PSMD4: variants seen among roughly 807,000 people sequenced by gnomAD.
PSMD4 encodes 26S proteasome non-ATPase regulatory subunit 4.
Under a neutral mutation model 39.7 loss-of-function variants are expected in PSMD4, and 5 were observed. The ratio of observed to expected loss-of-function variants is 0.13; its 90% confidence interval spans 0.07 to 0.26. PSMD4 has a LOEUF of 0.26. Ranked by LOEUF, PSMD4 falls within the 10% of genes least tolerant of loss-of-function variation. The pLI, the probability that PSMD4 is intolerant of heterozygous loss-of-function variation, is 1.00. For missense variants in PSMD4, 272 were observed against 486.1 expected, an observed-to-expected ratio of 0.56 and a Z score of 4.14; for synonymous variants, 143 against 174.6, an observed-to-expected ratio of 0.82 and a Z score of 1.43.
intron 1 of PSMD4, among the ~76,000 whole-genome samples, chr1:151,258,670 A>G (rs1198798212): frequency 2.0e-5 from 3 of 151,974 alleles, no homozygotes; most frequent in Admixed American, 6.6e-5. Context: ...CATATTGATT[A>G]GGCTGGTCTC....
chr1:151,265,748 C>T, intron 6 of PSMD4, 139 bp downstream of exon 6: 1 of 975,354 alleles, frequency 1.0e-6, no homozygotes, highest in South Asian at 1.7e-5. Context: ...CTTTTGCCGC[C>T]TCTTCCCTAT....
Position 151,258,479 on chromosome 1 carries a change from GA to G in PSMD4, c.26+3672del, listed in dbSNP as rs1216633583. Among the ~76,000 whole-genome samples the G allele has an allele frequency of 8.6e-3, 707 of 82,238 alleles. 9 individuals are homozygous for G. Among genetic ancestry groups the G allele is most frequent in the African/African-American group, 0.03 (641 of 21,590 alleles). 54.0% of individuals were successfully genotyped at this position (82,238 alleles called of 152,430 possible). A position where few individuals can be genotyped will look rare whatever the true frequency, so the allele number is the denominator to read the frequency against. ...TTTTTTTTTTTTTTTTTTTTTGGGG[GA>G]GACAGGGTCTCATTCTGTCACCCAG... On this transcript the variant is annotated intron_variant, in intron 1 of 9. Transcript: ENST00000368884.
At chr1:151,267,094 C>T (rs10888408) in intron 9 of PSMD4, 79 bp from the exon 10 acceptor site, 1,043,242 of 1,538,200 alleles carry the variant, frequency 0.68, 356,111 homozygotes, top group Non-Finnish European at 0.7. Context: ...CCTCTGGCAG[C>T]GGCATGCTCC....
At chr1:151,263,780 G>A (rs1693368694) in intron 2 of PSMD4, 134 bp from the exon 3 acceptor site, 3 of 554,394 alleles carry the variant, frequency 5.4e-6, no homozygotes, top group African/African-American at 1.9e-5. Context: ...GCAGTGACCC[G>A]AGATCACGCC....
rs755580240 is a variant in PSMD4, at chr1:151,262,183, C to T, written c.49C>T (p.Arg17Trp). ...MVCVDNSEYM[R>W]NGDFLPTRLQ... ...CAGTGTGGACAACAGTGAGTATATGCGGAATGGAGACTTCTTACCCACCAG... is the reference window on the plus strand; with the variant it reads ...CAGTGTGGACAACAGTGAGTATATGTGGAATGGAGACTTCTTACCCACCAG... Residue 17 changes from arginine to tryptophan, a missense_variant, in exon 2 of 10, where the codon CGG becomes TGG. Physicochemically the swap from Arg to Trp is moderately radical, Grantham distance 101. Coordinates refer to ENST00000368884, the MANE Select transcript of PSMD4 (RefSeq NM_002810.4). 5 of 1,614,096 alleles carry T rather than the reference C, an allele frequency of 3.1e-6. No individual in the cohort carries two copies. The Admixed American group carries it at 5.0e-5, about 16-fold the overall frequency.
intron 9 of PSMD4, 143 bp from the exon 10 acceptor site, chr1:151,267,030 T>G: frequency 2.0e-6 from 2 of 1,009,102 alleles, no homozygotes; most frequent in South Asian, 2.6e-5. Flanking sequence ...GACTTGTCCT[T>G]TCCTTACGTC....
rs2101840966 is a variant in PSMD4, at chr1:151,265,414, G to A, written c.459G>A (p.Leu153=). Residue 153 remains leucine (L), a synonymous_variant, in exon 6 of 10, where the codon CTG becomes CTA. Coordinates refer to ENST00000368884, the MANE Select transcript of PSMD4 (RefSeq NM_002810.4). ...CCCAGGAGGTGAACACAGAAAAGCT[G>A]ACAGCCTTTGTAAACACGTTGAATG... ...FGEEEVNTEK[L]TAFVNTLNGK... is the part of the protein sequence containing the mutation. 1 of 1,614,216 alleles carries A rather than the reference G, an allele frequency of 6.2e-7. No homozygotes were observed. The highest frequency in any genetic ancestry group is 8.5e-7 in the Non-Finnish European group (1 of 1,180,034).
Position 151,267,280 on chromosome 1 carries a change from C to T in PSMD4, c.1071C>T (p.Gly357=), listed in dbSNP as rs748081244. ...ATGAAGCCATTCGAAATGCTATGGG[C>T]TCCCTGGCCTCCCAGGCCACCAAGG... ...PNNEAIRNAM[G]SLASQATKDG... Residue 357 remains glycine (G), a synonymous_variant, in exon 10 of 10, where the codon GGC becomes GGT. Transcript: ENST00000368884. 5.6e-6 allele frequency: 9 copies of T among 1,613,914 alleles called. 1 individual carries two copies. The South Asian group carries it at 6.6e-5, about 12-fold the overall frequency.
chr1:151,266,297 C>T lies in PSMD4; in HGVS notation c.764-11C>T. Reference sequence around the variant, plus strand: ...ACCAATTCTACCCTGCTCCTCTTTTCCTTTTCCCAGACTCAGACGATGCCC... The same window carrying T: ...ACCAATTCTACCCTGCTCCTCTTTTTCTTTTCCCAGACTCAGACGATGCCC... On this transcript the variant is annotated splice_polypyrimidine_tract_variant and intron_variant, in intron 7 of 9. Coordinates refer to ENST00000368884, the MANE Select transcript of PSMD4 (RefSeq NM_002810.4). 2.5e-6 allele frequency: 4 copies of T among 1,614,128 alleles called. No individual in the cohort carries two copies. The highest frequency in any genetic ancestry group is 2.2e-5 in the East Asian group (1 of 44,894).
chr1:151,259,184 C>T (rs587667049), intron 1 of PSMD4: 1 of 152,284 alleles, frequency 6.6e-6, no homozygotes, highest in Non-Finnish European at 1.5e-5. Flanking sequence ...GAACCTGTGC[C>T]TGCGCTTGAA....
chr1:151,264,654 T>G (rs587657238), intron 3 of PSMD4, among the ~76,000 whole-genome samples, 178 bp from the exon 4 acceptor site: 1 of 151,700 alleles, frequency 6.6e-6, no homozygotes, highest in Non-Finnish European at 1.5e-5. Context: ...CCCTTCTTTA[T>G]GCACAGAGAG....
rs1406458410 is a variant in PSMD4 at position 151,264,734 on chromosome 1, G to A, written c.283-98G>A. On this transcript the variant is annotated intron_variant, in intron 3 of 9. Coordinates refer to ENST00000368884, the MANE Select transcript of PSMD4 (RefSeq NM_002810.4). ...ACGTGATGGTAGATGGTGTACTTCAGGTACAAAGAAACTGTAAGAAAAAGG... is the reference window on the plus strand; with the variant it reads ...ACGTGATGGTAGATGGTGTACTTCAAGTACAAAGAAACTGTAAGAAAAAGG... 5.3e-6 allele frequency: 5 copies of A among 934,852 alleles called. No homozygotes were observed. The East Asian group carries it at 1.3e-4, about 25-fold the overall frequency. 57.9% of individuals were successfully genotyped at this position (934,852 alleles called of 1,614,324 possible). A position where few individuals can be genotyped will look rare whatever the true frequency, so the allele number is the denominator to read the frequency against.
chr1:151,255,565 T>G (rs932954986), intron 1 of PSMD4, among the ~76,000 whole-genome samples: 15 of 152,100 alleles, frequency 9.9e-5, no homozygotes, highest in Non-Finnish European at 2.1e-4. Context: ...GAGTTCCTTC[T>G]AAGTGTAATC....
intron 1 of PSMD4, among the ~76,000 whole-genome samples, chr1:151,256,046 G>A (rs1279178715): frequency 7.4e-6 from 1 of 135,318 alleles, no homozygotes; most frequent in Non-Finnish European, 1.6e-5. Context: ...TATGTATATC[G>A]TCTTTTGAAA....
At chr1:151,266,794 C>T (rs1386955717) in intron 9 of PSMD4, 4 of 791,316 alleles carry the variant, frequency 5.1e-6, no homozygotes, top group Non-Finnish European at 8.5e-6. Context: ...TGTAATTTTC[C>T]TTTCTTGCTG....
chr1:151,264,987 G>A, intron 4 of PSMD4, 69 bp downstream of exon 4: 3 of 1,447,538 alleles, frequency 2.1e-6, no homozygotes, highest in Non-Finnish European at 2.9e-6. Flanking sequence ...CAGCCCTCAG[G>A]AGAACCTGGC....
chr1:151,265,607 T>C lies in PSMD4; in HGVS notation c.652T>C (p.Leu218=). The part of the protein sequence containing the change: ...VDPSADPELA[L]ALRVSMEEQR... Reference sequence around the variant, plus strand: ...TCCCAGTGCTGATCCTGAGCTGGCCTTGGTGAGCAAATGTTGACCCCAGGT... The same window carrying C: ...TCCCAGTGCTGATCCTGAGCTGGCCCTGGTGAGCAAATGTTGACCCCAGGT... The change falls in exon 6 of 10, where the codon TTG becomes CTG. Residue 218 remains leucine, a splice_region_variant and synonymous_variant. Transcript: ENST00000368884. 1.2e-6 allele frequency: 2 copies of C among 1,613,964 alleles called. No individual in the cohort carries two copies. The highest frequency in any genetic ancestry group is 1.7e-6 in the Non-Finnish European group (2 of 1,179,874).
At chr1:151,256,810 G>A in intron 1 of PSMD4, among the ~76,000 whole-genome samples, 1 of 140,048 alleles carries the variant, frequency 7.1e-6, no homozygotes, top group East Asian at 2.1e-4. Flanking sequence ...TCAGCTCCCC[G>A]CAACCTTCGG....
At chr1:151,254,940 C>G (rs1407615998) in intron 1 of PSMD4, 132 bp downstream of exon 1, 3 of 1,135,740 alleles carry the variant, frequency 2.6e-6, no homozygotes, top group Non-Finnish European at 3.5e-6. Flanking sequence ...AGGTAAGGAG[C>G]CCGCTGGACT....
Sources: allele counts gnomAD v4.1 joint callset (sites outside exome capture counted in the v4.1 genomes callset), GRCh38; gene constraint gnomAD v4.1.1; transcripts MANE v1.5; gene names NCBI Gene and HGNC (gene_info 2026-07-23, HGNC 2026-07-21).